The following LOC400499 variants were observed in gnomAD, a reference collection of about 807,000 sequenced individuals.
the LOC400499 span, chr16:11,390,447 C>T: frequency 8.0e-7 from 1 of 1,246,954 alleles, no homozygotes; most frequent in Non-Finnish European, 1.0e-6. Context: ...AGGCATCCTT[C>T]AGTGTGGCCA....
At chr16:11,494,556 G>A in the LOC400499 span, 3 of 385,290 alleles carry the variant, frequency 7.8e-6, no homozygotes, top group East Asian at 7.4e-5. Context: ...CCGGTACTCA[G>A]GACACTGGAT....
At chr16:11,475,376 C>T in the LOC400499 span, among the ~76,000 whole-genome samples, 1 of 152,148 alleles carries the variant, frequency 6.6e-6, no homozygotes, top group Non-Finnish European at 1.5e-5. Context: ...CTTTCAGAAT[C>T]ATCTCTGAAA....
At chr16:11,439,047 G>A in the LOC400499 span, among the ~76,000 whole-genome samples, 3 of 152,014 alleles carry the variant, frequency 2.0e-5, no homozygotes, top group Middle Eastern at 3.2e-3. Flanking sequence ...CCTAATTTCT[G>A]TGCACACACC....
At chr16:11,403,310 G>C in the LOC400499 span, among the ~76,000 whole-genome samples, 1 of 152,140 alleles carries the variant, frequency 6.6e-6, no homozygotes, top group Non-Finnish European at 1.5e-5. Context: ...CCACATGCAG[G>C]GCTAGAACCC....
the LOC400499 span, chr16:11,462,076 G>C: frequency 7.1e-7 from 1 of 1,417,134 alleles, no homozygotes; most frequent in Non-Finnish European, 9.2e-7. Flanking sequence ...ACCCTAACCT[G>C]GCCACAGAGC....
chr16:11,479,708 T>C, the LOC400499 span, among the ~76,000 whole-genome samples: 753 of 152,282 alleles, frequency 4.9e-3, 12 homozygotes, highest in African/African-American at 0.017. Context: ...GATTTCCCCA[T>C]TGTTAACATC....
chr16:11,430,121 C>A, the LOC400499 span, among the ~76,000 whole-genome samples: 3 of 152,172 alleles, frequency 2.0e-5, no homozygotes, highest in African/African-American at 7.2e-5. Flanking sequence ...TTCTTGAAAG[C>A]AGGCATCGGG....
the LOC400499 span, chr16:11,460,071 T>C: frequency 2.2e-6 from 3 of 1,360,248 alleles, no homozygotes; most frequent in East Asian, 2.7e-5. Context: ...CACACATGGG[T>C]GGTGAACTGC....
At chr16:11,441,606 T>C in the LOC400499 span, among the ~76,000 whole-genome samples, 1 of 138,838 alleles carries the variant, frequency 7.2e-6, no homozygotes, top group South Asian at 2.6e-4. Context: ...TGCAGTGTGA[T>C]TGGATTGAGG....
chr16:11,449,075 G>C, the LOC400499 span: 1 of 1,480,404 alleles, frequency 6.8e-7, no homozygotes, highest in South Asian at 1.3e-5. Flanking sequence ...AGCTGTGGAA[G>C]AGGCTCTGTG....
chr16:11,508,388 A>G, the LOC400499 span, among the ~76,000 whole-genome samples: 61 of 152,322 alleles, frequency 4.0e-4, no homozygotes, highest in Admixed American at 3.3e-3. Flanking sequence ...GAAGTCCTCA[A>G]TGCTGAGGCT....
the LOC400499 span, among the ~76,000 whole-genome samples, chr16:11,428,382 C>T: frequency 5.3e-5 from 8 of 152,268 alleles, no homozygotes; most frequent in East Asian, 1.5e-3. Flanking sequence ...CCATGTTGGC[C>T]AGGCTAGTCT....
chr16:11,516,645 C>T, the LOC400499 span, among the ~76,000 whole-genome samples: 2 of 152,176 alleles, frequency 1.3e-5, no homozygotes, highest in African/African-American at 4.8e-5. Context: ...TCTGGATGTG[C>T]CACCCCAAAA....
chr16:11,508,403 T>C, the LOC400499 span, among the ~76,000 whole-genome samples: 4 of 152,238 alleles, frequency 2.6e-5, no homozygotes, highest in Non-Finnish European at 4.4e-5. Context: ...GAGGCTCAGA[T>C]GTTGCTAGGC....
the LOC400499 span, among the ~76,000 whole-genome samples, chr16:11,501,829 G>A: frequency 2.0e-5 from 3 of 152,050 alleles, no homozygotes; most frequent in Admixed American, 6.5e-5. Flanking sequence ...GTCTTTATCC[G>A]CCAGGCCCTT....
chr16:11,475,572 C>T, the LOC400499 span: 1 of 398,648 alleles, frequency 2.5e-6, no homozygotes, highest in Non-Finnish European at 4.4e-6. Context: ...TTTTTCCCTT[C>T]AACCCTGGGA....
the LOC400499 span, chr16:11,423,182 G>T: frequency 2.7e-3 from 1,083 of 399,332 alleles, no homozygotes; most frequent in Non-Finnish European, 4.0e-3. Context: ...CCCATACCTC[G>T]AGAGGCTGCC....
At chr16:11,429,849 C>T in the LOC400499 span, among the ~76,000 whole-genome samples, 1 of 152,038 alleles carries the variant, frequency 6.6e-6, no homozygotes, top group Non-Finnish European at 1.5e-5. Flanking sequence ...GTAACAGACT[C>T]AGACAAGCAT....
chr16:11,515,399 T>C, the LOC400499 span, among the ~76,000 whole-genome samples: 1 of 152,050 alleles, frequency 6.6e-6, no homozygotes, highest in Non-Finnish European at 1.5e-5. Flanking sequence ...AAGGCTGCAC[T>C]GAGCCATGAT....
Sources: allele counts gnomAD v4.1 joint callset (sites outside exome capture counted in the v4.1 genomes callset), GRCh38; gene constraint gnomAD v4.1.1; transcripts MANE v1.5.